EPC1: variants seen among roughly 807,000 people sequenced by gnomAD.
EPC1 encodes the protein enhancer of polycomb homolog 1.
In EPC1, 12 loss-of-function variants were observed where a neutral mutation model predicts 98.4. The observed-to-expected ratio is 0.12, with a 90% CI of 0.08 to 0.20. EPC1 has a LOEUF of 0.20. Ranked by LOEUF, EPC1 falls within the 10% of genes least tolerant of loss-of-function variation. EPC1 has a pLI of 1.00. For synonymous variants in EPC1, 357 were observed against 363.9 expected, an observed-to-expected ratio of 0.98 and a Z score of 0.21; for missense variants, 729 against 990.5, an observed-to-expected ratio of 0.74 and a Z score of 3.54.
chr10:32,318,360 T>C (rs1379669411), intron 1 of EPC1, among the ~76,000 whole-genome samples: 2 of 152,176 alleles, frequency 1.3e-5, no homozygotes, highest in East Asian at 3.8e-4. Flanking sequence ...TAAATCTGTC[T>C]AAAAGTGCTT....
chr10:32,366,311 C>T (rs746607465), intron 1 of EPC1, among the ~76,000 whole-genome samples: 1 of 152,032 alleles, frequency 6.6e-6, no homozygotes, highest in African/African-American at 2.4e-5. Flanking sequence ...TTGCTCTTGC[C>T]GTTAGTGAAC....
chr10:32,332,415 C>T (rs1043271677), intron 1 of EPC1, among the ~76,000 whole-genome samples: 2 of 152,316 alleles, frequency 1.3e-5, no homozygotes, highest in East Asian at 3.9e-4. Context: ...GGGTAGTCCC[C>T]TCCCACAGTG....
chr10:32,284,814 T>C lies in EPC1; in HGVS notation c.1628A>G (p.Glu543Gly). ...CCTATATAATTTTCTACAGGAGAGT[T>C]CATCATTGTCACTGTCATGTAGGGA... ...TPSLHDSDND[E>G]LSCRKLYRSI... Residue 543 changes from glutamate (E) to glycine (G), a missense_variant, in exon 10 of 14, where the codon GAA (glutamate) becomes GGA (glycine). Glu to Gly is a moderately conservative substitution (Grantham distance 98, BLOSUM62 -2). Around this residue, in one of 6 missense-constraint regions of EPC1, gnomAD observed 390 missense variants for 438.6 expected, o/e 0.89. Transcript: ENST00000319778. The C allele has an allele frequency of 1.2e-6, 2 of 1,614,208 alleles. No individual in the cohort carries two copies. The highest frequency in any genetic ancestry group is 1.7e-6 in the Non-Finnish European group (2 of 1,180,008).
At chr10:32,351,071 G>T (rs1839095447), upstream of EPC1, among the ~76,000 whole-genome samples, 2 of 152,070 alleles carry the variant, frequency 1.3e-5, no homozygotes, top group South Asian at 4.1e-4. Flanking sequence ...GTACTCTTCT[G>T]TTGGTGGCTA....
intron 1 of EPC1, among the ~76,000 whole-genome samples, chr10:32,316,831 T>C (rs1013221121): frequency 2.0e-5 from 3 of 152,186 alleles, no homozygotes; most frequent in Non-Finnish European, 2.9e-5. Flanking sequence ...AGTAAACAAA[T>C]AGTGAACTCT....
At chr10:32,337,745 G>A (rs1838062993) in intron 1 of EPC1, among the ~76,000 whole-genome samples, 2 of 152,150 alleles carry the variant, frequency 1.3e-5, no homozygotes, top group Admixed American at 1.3e-4. Flanking sequence ...TCATAGCAGA[G>A]CTATTCCAAA....
At chr10:32,315,125 A>G (rs1366486788) in intron 1 of EPC1, among the ~76,000 whole-genome samples, 1 of 152,148 alleles carries the variant, frequency 6.6e-6, no homozygotes, top group African/African-American at 2.4e-5. Flanking sequence ...CTCATGTACT[A>G]TTTGGGGACT....
At chr10:32,334,027 T>G (rs1023232458) in intron 1 of EPC1, among the ~76,000 whole-genome samples, 1 of 152,212 alleles carries the variant, frequency 6.6e-6, no homozygotes, top group Non-Finnish European at 1.5e-5. Flanking sequence ...CAAACAAACA[T>G]GTACTACCTT....
At chr10:32,273,135 A>G (rs1835918552) in intron 11 of EPC1, 28 bp downstream of exon 11, 1 of 1,614,134 alleles carries the variant, frequency 6.2e-7, no homozygotes, top group East Asian at 2.2e-5. Flanking sequence ...ACAATGAGGG[A>G]TAATCATAAG....
chr10:32,353,540 C>T (rs1184742607), intron 1 of EPC1, among the ~76,000 whole-genome samples: 1 of 152,128 alleles, frequency 6.6e-6, no homozygotes, highest in Admixed American at 6.5e-5. Context: ...CCGGATTCCT[C>T]ATTTCTTCAA....
chr10:32,347,215 A>C, upstream of EPC1: 1 of 1,222,726 alleles, frequency 8.2e-7, no homozygotes. Context: ...CGGCGCGGGC[A>C]CGCGGGCGGG....
Position 32,364,018 on chromosome 10 carries a change from T to C in EPC1, c.3+14473A>G, listed in dbSNP as rs1205223414. 2.9e-4 allele frequency among the ~76,000 whole-genome samples: 39 copies of C among 132,686 alleles called. 1 individual carries two copies. The highest frequency in any genetic ancestry group is 4.2e-4 in the Non-Finnish European group (26 of 62,062). The allele number at this position is 132,686 out of a possible 152,430, so 87.0% of individuals were successfully genotyped here. A position where few individuals can be genotyped will look rare whatever the true frequency, so the allele number is the denominator to read the frequency against. On this transcript the variant is annotated intron_variant, in intron 1 of 13. Transcript: ENST00000375110. Reference sequence around the variant, plus strand: ...CATGTTGGCATTTTTTTTTTTTTTTTTTTTTTTTTTTTTTAGATGGAGTTT... The same window carrying C: ...CATGTTGGCATTTTTTTTTTTTTTTCTTTTTTTTTTTTTTAGATGGAGTTT...
intron 5 of EPC1, 64 bp from the exon 6 acceptor site, chr10:32,291,386 A>T: frequency 4.8e-6 from 6 of 1,245,146 alleles, no homozygotes; most frequent in African/African-American, 4.6e-5. Flanking sequence ...TGATGTTTTG[A>T]TATACATTTA....
chr10:32,362,430 G>T (rs1453228864), intron 1 of EPC1, among the ~76,000 whole-genome samples: 1 of 151,970 alleles, frequency 6.6e-6, no homozygotes, highest in Non-Finnish European at 1.5e-5. Context: ...ATGAGATCTG[G>T]TTGTTTGAAA....
Position 32,356,058 on chromosome 10 carries a change from CAT to C in EPC1, c.3+22431_3+22432del, listed in dbSNP as rs544733825. ...AGAAAAATTGTTAATGAAGTAGAAA[CAT>C]ATGTTGGAACATTTAAGTACAATTT... is the stretch of plus-strand genomic sequence containing the variant. On this transcript the variant is annotated intron_variant, in intron 1 of 13. Coordinates refer to the EPC1 transcript ENST00000375110. Among the ~76,000 whole-genome samples, 37 of 152,200 alleles carry C rather than the reference CAT, an allele frequency of 2.4e-4. No homozygotes were observed. The South Asian group carries it at 4.1e-3, about 17-fold the overall frequency.
chr10:32,330,579 T>C (rs2132965727), intron 1 of EPC1, among the ~76,000 whole-genome samples: 1 of 152,336 alleles, frequency 6.6e-6, no homozygotes, highest in Admixed American at 6.5e-5. Context: ...CTGGATTATA[T>C]TCCATTATTT....
chr10:32,287,074 G>A lies in EPC1; in HGVS notation c.1152+24C>T, dbSNP rs186624444. 2.2e-5 allele frequency: 35 copies of A among 1,613,956 alleles called. No homozygotes were observed. In the East Asian group the frequency reaches 7.1e-4, roughly 33 times the overall value. Reference sequence around the variant, plus strand: ...GTGACTTCCTACATCCCTCCTCAATGTTCATAGAGAATTGTATTTGTACCT... The same window carrying A: ...GTGACTTCCTACATCCCTCCTCAATATTCATAGAGAATTGTATTTGTACCT... On this transcript the variant is annotated intron_variant, in intron 7 of 13. Transcript: ENST00000319778.
chr10:32,340,813 G>C (rs545991817), intron 1 of EPC1, among the ~76,000 whole-genome samples: 1 of 151,600 alleles, frequency 6.6e-6, no homozygotes, highest in African/African-American at 2.4e-5. Flanking sequence ...CTGGGTGACA[G>C]AGCAAGACTT....
At chr10:32,328,471 A>G (rs1052880631) in intron 1 of EPC1, among the ~76,000 whole-genome samples, 5 of 152,206 alleles carry the variant, frequency 3.3e-5, no homozygotes, top group African/African-American at 7.2e-5. Flanking sequence ...ACCTGATTTA[A>G]AAGTATGCTT....
Sources: allele counts gnomAD v4.1 joint callset (sites outside exome capture counted in the v4.1 genomes callset), GRCh38; gene constraint gnomAD v4.1.1; regional missense constraint gnomAD v4.1.1; transcripts MANE v1.5; gene names NCBI Gene and HGNC (gene_info 2026-07-23, HGNC 2026-07-21).